MACROD2: variants seen among roughly 807,000 people sequenced by gnomAD.
MACROD2 encodes the protein ADP-ribose glycohydrolase MACROD2.
A neutral mutation model predicts 70.4 loss-of-function variants in MACROD2; 36 were observed. The observed-to-expected ratio is 0.51, with a 90% CI of 0.39 to 0.68. MACROD2 has a LOEUF of 0.68. Among genes scored for constraint, MACROD2 ranks in the 30% least tolerant of loss-of-function variants. The probability of loss-of-function intolerance (pLI) is 0.00; values close to 1 mark genes in which losing one functional copy is unlikely to be tolerated. For synonymous variants in MACROD2, 172 were observed against 178.8 expected, an observed-to-expected ratio of 0.96 and a Z score of 0.30; for missense variants, 496 against 538.4, an observed-to-expected ratio of 0.92 and a Z score of 0.78.
At chr20:15,524,016 T>C (rs986312992) in intron 8 of MACROD2, among the ~76,000 whole-genome samples, 3 of 152,198 alleles carry the variant, frequency 2.0e-5, no homozygotes, top group Non-Finnish European at 2.9e-5. Context: ...GTCCCTGCTG[T>C]ATGTACCTCG....
chr20:14,808,619 A>C (rs2072669452), intron 5 of MACROD2, among the ~76,000 whole-genome samples: 1 of 152,130 alleles, frequency 6.6e-6, no homozygotes, highest in African/African-American at 2.4e-5. Context: ...TAAATGCCCC[A>C]ATTAAAAGAT....
intron 7 of MACROD2, among the ~76,000 whole-genome samples, chr20:15,491,442 G>C (rs1051960293): frequency 1.3e-5 from 2 of 152,324 alleles, no homozygotes; most frequent in South Asian, 2.1e-4. Flanking sequence ...CCAAAAAGCA[G>C]ATTTAAAGGC....
At chr20:15,188,841 C>T (rs4814349) in intron 5 of MACROD2, among the ~76,000 whole-genome samples, 12,316 of 152,144 alleles carry the variant, frequency 0.081, 630 homozygotes, top group Admixed American at 0.12. Context: ...CTTACTCTTG[C>T]TCTTTTTTTG....
chr20:15,183,098 C>A (rs2076511393), intron 5 of MACROD2, among the ~76,000 whole-genome samples: 1 of 152,172 alleles, frequency 6.6e-6, no homozygotes, highest in East Asian at 1.9e-4. Flanking sequence ...TATTAGCCCA[C>A]ATGGAATGGT....
At chr20:15,100,363 G>A (rs890122247) in intron 5 of MACROD2, among the ~76,000 whole-genome samples, 2 of 152,074 alleles carry the variant, frequency 1.3e-5, no homozygotes, top group African/African-American at 4.8e-5. Flanking sequence ...GTAAGTTGAG[G>A]AGCACTTAAA....
chr20:14,563,289 C>T (rs1489070157), intron 4 of MACROD2, among the ~76,000 whole-genome samples: 1 of 151,840 alleles, frequency 6.6e-6, no homozygotes, highest in East Asian at 1.9e-4. Context: ...GAAAAAAAGA[C>T]ACAAGAGTAT....
Position 14,423,755 on chromosome 20 carries a change from ATTTTTTTT to A in MACROD2, c.272-69707_272-69700del, listed in dbSNP as rs1165796772. ...GTCCACCATTTTGCTGACATCTTAA[ATTTTTTTT>A]TTTTTTTTTTTTTTTTGAGACGGAG... is the stretch of plus-strand genomic sequence containing the variant. On this transcript the variant is annotated intron_variant, in intron 3 of 17. Coordinates refer to ENST00000684519, the MANE Select transcript of MACROD2 (RefSeq NM_001351661.2). Among the ~76,000 whole-genome samples the A allele has an allele frequency of 2.7e-4, 17 of 63,110 alleles. No homozygotes were observed. The Admixed American group carries it at 2.9e-3, about 11-fold the overall frequency. 41.4% of individuals were successfully genotyped at this position (63,110 alleles called of 152,430 possible).
At chr20:14,806,281 C>T (rs779833826) in intron 5 of MACROD2, among the ~76,000 whole-genome samples, 2 of 152,090 alleles carry the variant, frequency 1.3e-5, no homozygotes, top group African/African-American at 2.4e-5. Context: ...ACTGGTTAGA[C>T]AGTGGGTGCA....
chr20:15,852,178 G>A (rs2064307028), intron 8 of MACROD2, among the ~76,000 whole-genome samples: 1 of 152,156 alleles, frequency 6.6e-6, no homozygotes, highest in East Asian at 1.9e-4. Context: ...TATGAGGCAG[G>A]CTCGGAAATT....
At chr20:15,971,257 G>A (rs1250521802) in intron 13 of MACROD2, among the ~76,000 whole-genome samples, 1 of 152,086 alleles carries the variant, frequency 6.6e-6, no homozygotes, top group Admixed American at 6.5e-5. Context: ...GTTTGGCTGT[G>A]TCCCCACCCA....
intron 2 of MACROD2, among the ~76,000 whole-genome samples, chr20:14,080,370 G>A (rs901631055): frequency 2.7e-5 from 4 of 149,386 alleles, no homozygotes; most frequent in African/African-American, 5.0e-5. Context: ...ATGAACCTGG[G>A]AGGCAGAACT....
intron 8 of MACROD2, among the ~76,000 whole-genome samples, chr20:15,787,954 T>A (rs1434991666): frequency 6.6e-6 from 1 of 152,196 alleles, no homozygotes; most frequent in African/African-American, 2.4e-5. Flanking sequence ...ATTTTTTAAG[T>A]CTATATCACT....
intron 11 of MACROD2, 102 bp from the exon 12 acceptor site, chr20:15,937,374 G>A (rs530789698): frequency 9.9e-7 from 1 of 1,011,202 alleles, no homozygotes; most frequent in Admixed American, 1.7e-5. Flanking sequence ...GCAGGCTCAT[G>A]CTTTCTTTGG....
At chr20:14,021,060 G>A (rs968001962) in intron 2 of MACROD2, among the ~76,000 whole-genome samples, 1 of 149,410 alleles carries the variant, frequency 6.7e-6, no homozygotes, top group African/African-American at 2.5e-5. Context: ...CGCCATCTCG[G>A]CTCACTGCAA....
chr20:14,071,252 G>GTTTTTGTT, intron 2 of MACROD2, among the ~76,000 whole-genome samples: 1 of 63,936 alleles, frequency 1.6e-5, no homozygotes, highest in Non-Finnish European at 2.9e-5. Context: ...TTCATCTTGT[G>GTTTTTGTT]TTTTTTTTTT....
At chr20:15,499,645 C>T in intron 7 of MACROD2, 129 bp from the exon 8 acceptor site, 1 of 739,610 alleles carries the variant, frequency 1.4e-6, no homozygotes, top group South Asian at 1.7e-5. Context: ...GTACATCTTA[C>T]TGAGGCCTGT....
intron 6 of MACROD2, among the ~76,000 whole-genome samples, chr20:15,370,895 A>C (rs2045482641): frequency 2.0e-5 from 3 of 152,104 alleles, no homozygotes; most frequent in Admixed American, 2.0e-4. Context: ...TTTTATAGTT[A>C]GTCTCTGAGC....
intron 7 of MACROD2, among the ~76,000 whole-genome samples, chr20:15,493,559 A>T (rs1391220142): frequency 6.6e-6 from 1 of 152,188 alleles, no homozygotes; most frequent in Non-Finnish European, 1.5e-5. Context: ...ATTTTAGTGG[A>T]ATATGCTAGA....
chr20:14,757,627 G>A, intron 5 of MACROD2: 1 of 1,195,502 alleles, frequency 8.4e-7, no homozygotes, highest in East Asian at 2.3e-5. Flanking sequence ...GAGTCATGGT[G>A]GCCAAGGACA....
Sources: allele counts gnomAD v4.1 joint callset (sites outside exome capture counted in the v4.1 genomes callset), GRCh38; gene constraint gnomAD v4.1.1; transcripts MANE v1.5; gene names NCBI Gene and HGNC (gene_info 2026-07-23, HGNC 2026-07-21).